The following PEX3 variants were observed in gnomAD, a reference collection of about 807,000 sequenced individuals.
The protein encoded by PEX3 is peroxin-3.
A neutral mutation model predicts 55.8 loss-of-function variants in PEX3; 30 were observed. The ratio of observed to expected loss-of-function variants is 0.54; its 90% CI spans 0.40 to 0.73. PEX3 has a LOEUF of 0.73. PEX3 is among the 30% of genes least tolerant of loss of function. The probability of loss-of-function intolerance (pLI) is 0.00; values close to 1 mark genes in which losing one functional copy is unlikely to be tolerated. For synonymous variants in PEX3, 135 were observed against 148.4 expected (o/e 0.91, Z 0.66); for missense variants, 351 against 432.8 (o/e 0.81, Z 1.68).
Position 143,471,680 on chromosome 6 carries a change from T to A in PEX3, c.578+69T>A. On this transcript the variant is annotated intron_variant, in intron 7 of 11. Transcript: ENST00000367591. The surrounding 1 kb of genome is among the most constrained non-coding windows in gnomAD (Gnocchi z 5.4). ...GAGTGAAAGAAAATTAGAATTGTTC[T>A]AGTGAAACCAGTGACTTGACAAACG... is the stretch of plus-strand genomic sequence containing the variant. 9.1e-7 allele frequency: 1 copy of A among 1,100,180 alleles called. No individual in the cohort carries two copies. Among genetic ancestry groups the A allele is most frequent in the Non-Finnish European group, 1.4e-6 (1 of 713,640 alleles). The allele number at this position is 1,100,180 out of a possible 1,614,324, so 68.2% of individuals were successfully genotyped here. A position where few individuals can be genotyped will look rare whatever the true frequency, so the allele number is the denominator to read the frequency against.
rs1455771096 is a variant in PEX3 at position 143,454,721 on chromosome 6, G to C, written c.73+3606G>C. The stretch of plus-strand genomic sequence containing the variant: ...ATGAGAAGAAAGTGTGAAGATGTCA[G>C]GCAAAGCTCCATAAGGAAGAATTTC... On this transcript the variant is annotated intron_variant, in intron 1 of 11. Transcript: ENST00000367591. The surrounding 1 kb of genome is among the most constrained non-coding windows in gnomAD (Gnocchi z 4.3). Among the ~76,000 whole-genome samples, 1 of 152,184 alleles carries C rather than the reference G, an allele frequency of 6.6e-6. No homozygotes were observed. Among genetic ancestry groups the C allele is most frequent in the East Asian group, 1.9e-4 (1 of 5,198 alleles).
rs751317831 is a variant in PEX3, at chr6:143,462,430, A to G, written c.206-486A>G. Among the ~76,000 whole-genome samples the G allele has an allele frequency of 1.3e-4, 20 of 152,352 alleles. No homozygotes were observed. Among genetic ancestry groups the G allele is most frequent in the Non-Finnish European group, 2.2e-4 (15 of 68,024 alleles). On this transcript the variant is annotated intron_variant, in intron 2 of 11. Coordinates refer to ENST00000367591, the MANE Select transcript of PEX3 (RefSeq NM_003630.3). This position sits in a 1 kb window ranked among gnomAD's most constrained non-coding sequence, Gnocchi z 4.1. ...CCAGTGCACTTTTGTCTAGGTTATAATAAATGTTTATTACTTTGTAGTATT... is the reference window on the plus strand; with the variant it reads ...CCAGTGCACTTTTGTCTAGGTTATAGTAAATGTTTATTACTTTGTAGTATT...
chr6:143,450,818 G>A lies in PEX3; in HGVS notation c.-225G>A. ...GCTTGTCGGACCAGTGAGCGGCGGC[G>A]GCTGCGCGGCGGCAGCGGCAGAAAG... On this transcript the variant is annotated 5_prime_UTR_variant, in exon 1 of 12. Transcript: ENST00000367591. 1 of 808,442 alleles carries A rather than the reference G, an allele frequency of 1.2e-6. No homozygotes were observed. The allele number at this position is 808,442 out of a possible 1,614,324, so 50.1% of individuals were successfully genotyped here.
rs956581585 is a variant in PEX3 at position 143,476,495 on chromosome 6, G to C, written c.818+1639G>C. Among the ~76,000 whole-genome samples the C allele has an allele frequency of 4.8e-4, 73 of 152,284 alleles. No homozygotes were observed. Among genetic ancestry groups the C allele is most frequent in the African/African-American group, 1.6e-3 (67 of 41,554 alleles). Reference sequence around the variant, plus strand: ...ATAAAGAGATAAGAATAGAAGGAGGGAACCAATTTCAAGAGTTGAAGTAGT... The same window carrying C: ...ATAAAGAGATAAGAATAGAAGGAGGCAACCAATTTCAAGAGTTGAAGTAGT... On this transcript the variant is annotated intron_variant, in intron 9 of 11. Coordinates refer to ENST00000367591, the MANE Select transcript of PEX3 (RefSeq NM_003630.3). This position sits in a 1 kb window ranked among gnomAD's most constrained non-coding sequence, Gnocchi z 5.4.
rs1009510164 is a variant in PEX3 at position 143,482,846 on chromosome 6, A to G, written c.942-2306A>G. The stretch of plus-strand genomic sequence containing the variant: ...AGTAAAAACAAATATACTGATCGAA[A>G]ACAGGTGACTATGTGACCTCAAGAT... On this transcript the variant is annotated intron_variant, in intron 10 of 11. Transcript: ENST00000367591. This position sits in a 1 kb window ranked among gnomAD's most constrained non-coding sequence, Gnocchi z 5.5. 2.0e-5 allele frequency among the ~76,000 whole-genome samples: 3 copies of G among 152,124 alleles called. No homozygotes were observed. The highest frequency in any genetic ancestry group is 1.3e-4 in the Admixed American group (2 of 15,272).
In PEX3 at chr6:143,489,997, A is replaced by G. The variant is rs996115440; in HGVS notation, c.*771A>G. 6.6e-6 allele frequency: 1 copy of G among 152,140 alleles called. No individual in the cohort carries two copies. The highest frequency in any genetic ancestry group is 2.4e-5 in the African/African-American group (1 of 41,442). The allele number at this position is 152,140 out of a possible 1,614,324, so 9.4% of individuals were successfully genotyped here. On this transcript the variant is annotated 3_prime_UTR_variant, in exon 12 of 12. Transcript: ENST00000367591. The surrounding 1 kb of genome is among the most constrained non-coding windows in gnomAD (Gnocchi z 5.5). ...AGTGAAAATCTTATTGCAATAAACT[A>G]TTTTAGTAAAATATTATTTTGTTGA...
intron 8 of PEX3, among the ~76,000 whole-genome samples, chr6:143,473,105 A>C (rs144269832): frequency 1.8e-3 from 279 of 152,296 alleles, no homozygotes; most frequent in African/African-American, 6.2e-3. Context: ...CTTAGAACAG[A>C]GAGGCCCCCT....
rs1779801969 is a variant in PEX3, at chr6:143,453,452, G to T, written c.73+2337G>T. 6.6e-6 allele frequency among the ~76,000 whole-genome samples: 1 copy of T among 152,044 alleles called. No individual in the cohort carries two copies. The highest frequency in any genetic ancestry group is 1.5e-5 in the Non-Finnish European group (1 of 67,994). On this transcript the variant is annotated intron_variant, in intron 1 of 11. Transcript: ENST00000367591. This position sits in a 1 kb window ranked among gnomAD's most constrained non-coding sequence, Gnocchi z 4.6. Reference sequence around the variant, plus strand: ...GGGTAACTAATTGGTTTACGCGTTTGTATAATTTGACCAGTTTGGGGGGTT... The same window carrying T: ...GGGTAACTAATTGGTTTACGCGTTTTTATAATTTGACCAGTTTGGGGGGTT...
chr6:143,472,438 A>G (rs530032111), intron 8 of PEX3, 110 bp downstream of exon 8: 22 of 779,836 alleles, frequency 2.8e-5, no homozygotes, highest in Middle Eastern at 3.6e-4. Context: ...ATTGAAAAGC[A>G]TATATTTCAG....
rs1779952541 is a variant in PEX3 at position 143,463,544 on chromosome 6, G to A, written c.287+547G>A. 6.6e-6 allele frequency among the ~76,000 whole-genome samples: 1 copy of A among 151,802 alleles called. No individual in the cohort carries two copies. The highest frequency in any genetic ancestry group is 2.4e-5 in the African/African-American group (1 of 41,358). ...ACATATGTAACCTTGTATATTGCAT[G>A]TAGCATGTGTTGGGGTATTGTAATT... On this transcript the variant is annotated intron_variant, in intron 3 of 11. Coordinates refer to ENST00000367591, the MANE Select transcript of PEX3 (RefSeq NM_003630.3). The surrounding 1 kb of genome is among the most constrained non-coding windows in gnomAD (Gnocchi z 5.7).
intron 9 of PEX3, among the ~76,000 whole-genome samples, chr6:143,478,419 C>T (rs891393944): frequency 7.9e-5 from 12 of 151,868 alleles, no homozygotes; most frequent in African/African-American, 2.7e-4. Context: ...TCAATAAAGC[C>T]GTTAAAATGC....
intron 9 of PEX3, among the ~76,000 whole-genome samples, chr6:143,478,505 A>G (rs1780183447): frequency 6.6e-6 from 1 of 152,126 alleles, no homozygotes; most frequent in African/African-American, 2.4e-5. Flanking sequence ...CACTGTAGTC[A>G]AGAAATTGGA....
Position 143,488,559 on chromosome 6 carries a change from AGTTT to A in PEX3, c.1039-580_1039-577del, listed in dbSNP as rs943534471. ...TCATACAACCTGCTAATATTATCAC[AGTTT>A]GTTGCCTACATTCATAATTGAAAGA... On this transcript the variant is annotated intron_variant, in intron 11 of 11. Transcript: ENST00000367591. The surrounding 1 kb of genome is among the most constrained non-coding windows in gnomAD (Gnocchi z 4.9). Among the ~76,000 whole-genome samples, 7 of 152,100 alleles carry A rather than the reference AGTTT, an allele frequency of 4.6e-5. No individual in the cohort carries two copies. Among genetic ancestry groups the A allele is most frequent in the African/African-American group, 1.7e-4 (7 of 41,434 alleles).
At position 143,451,068 on chromosome 6, in the gene PEX3, T is replaced by A; in HGVS notation, c.26T>A (p.Leu9Gln). Residue 9 changes from leucine to glutamine, a missense_variant, in exon 1 of 12, where the codon CTG (leucine) becomes CAG (glutamine). By Grantham distance (113) the Leu-to-Gln change is moderately radical. Transcript: ENST00000367591. This position sits in a 1 kb window ranked among gnomAD's most constrained non-coding sequence, Gnocchi z 4.1. MLRSVWNF[L>Q]KRHKKKCIFL... Reference sequence around the variant, plus strand: ...ATGCTGAGGTCTGTATGGAATTTTCTGAAACGCCACAAAAAGAAATGCATC... The same window carrying A: ...ATGCTGAGGTCTGTATGGAATTTTCAGAAACGCCACAAAAAGAAATGCATC... 1 of 1,613,794 alleles carries A rather than the reference T, an allele frequency of 6.2e-7. No homozygotes were observed. Among genetic ancestry groups the A allele is most frequent in the Non-Finnish European group, 8.5e-7 (1 of 1,179,778 alleles).
Position 143,483,980 on chromosome 6 carries a change from C to T in PEX3, c.942-1172C>T, listed in dbSNP as rs904592631. 1.4e-4 allele frequency among the ~76,000 whole-genome samples: 22 copies of T among 152,008 alleles called. No homozygotes were observed. The highest frequency in any genetic ancestry group is 5.3e-4 in the African/African-American group (22 of 41,420). On this transcript the variant is annotated intron_variant, in intron 10 of 11. Transcript: ENST00000367591. The surrounding 1 kb of genome is among the most constrained non-coding windows in gnomAD (Gnocchi z 4.3). ...AAAATGCCTGCTTCCCTCAGGAATA[C>T]ATAAATCTTCCCACTTCCTTTATTC...
In PEX3 at chr6:143,451,193, C is replaced by A; in HGVS notation, c.73+78C>A. 4.9e-6 allele frequency: 5 copies of A among 1,017,304 alleles called. No individual in the cohort carries two copies. The highest frequency in any genetic ancestry group is 7.8e-6 in the Non-Finnish European group (5 of 640,180). The allele number at this position is 1,017,304 out of a possible 1,614,324, so 63.0% of individuals were successfully genotyped here. A position where few individuals can be genotyped will look rare whatever the true frequency, so the allele number is the denominator to read the frequency against. On this transcript the variant is annotated intron_variant, in intron 1 of 11. Transcript: ENST00000367591. The surrounding 1 kb of genome is among the most constrained non-coding windows in gnomAD (Gnocchi z 4.1). ...TGACTTCTTCTAAAATAAGGACAGG[C>A]CGGGCGATCCTAGTCTGGGATATGT...
chr6:143,474,534 A>G (rs575268556), intron 8 of PEX3, among the ~76,000 whole-genome samples: 1 of 152,172 alleles, frequency 6.6e-6, no homozygotes, highest in South Asian at 2.1e-4. Flanking sequence ...CTAGAAATCT[A>G]TCCAAGAAGG....
chr6:143,488,612 TAAAG>T lies in PEX3; in HGVS notation c.1039-527_1039-524del, dbSNP rs564985956. Among the ~76,000 whole-genome samples, 87 of 152,214 alleles carry T rather than the reference TAAAG, an allele frequency of 5.7e-4. 1 individual carries two copies. The highest frequency in any genetic ancestry group is 5.0e-3 in the South Asian group (24 of 4,830). ...GAGATACCAGATTTTGGTTAGAAGTTAAAGAAAATGAAGGTGTAATTTTTTTCTT... is the reference window on the plus strand; with the variant it reads ...GAGATACCAGATTTTGGTTAGAAGTTAAAATGAAGGTGTAATTTTTTTCTT... On this transcript the variant is annotated intron_variant, in intron 11 of 11. Transcript: ENST00000367591. This position sits in a 1 kb window ranked among gnomAD's most constrained non-coding sequence, Gnocchi z 4.9.
At chr6:143,480,072 G>A (rs1320669930) in intron 10 of PEX3, among the ~76,000 whole-genome samples, 3 of 151,950 alleles carry the variant, frequency 2.0e-5, no homozygotes, top group Non-Finnish European at 4.4e-5. Context: ...CAGATTCTCT[G>A]AGACCCTTCT....
Sources: allele counts gnomAD v4.1 joint callset (sites outside exome capture counted in the v4.1 genomes callset), GRCh38; gene constraint gnomAD v4.1.1; non-coding constraint Gnocchi (gnomAD v3.1); transcripts MANE v1.5; gene names NCBI Gene and HGNC (gene_info 2026-07-23, HGNC 2026-07-21).